ARMC8: variants seen among roughly 807,000 people sequenced by gnomAD.
The protein encoded by ARMC8 is armadillo repeat containing 8.
ARMC8 carries 20 observed loss-of-function variants against 99.3 expected under a neutral mutation model. The observed-to-expected ratio is 0.20, with a 90% CI of 0.14 to 0.29. The LOEUF is 0.29. ARMC8 is among the 10% of genes least tolerant of loss of function. ARMC8 has a pLI of 1.00. For missense variants in ARMC8, 569 were observed against 809.5 expected (o/e 0.70, Z 3.60); for synonymous variants, 263 against 278.3 (o/e 0.95, Z 0.55).
At chr3:138,205,389 C>A (rs2108008607) in intron 1 of ARMC8, among the ~76,000 whole-genome samples, 1 of 152,130 alleles carries the variant, frequency 6.6e-6, no homozygotes, top group South Asian at 2.1e-4. Context: ...GTAAGTGTTA[C>A]CCTTGCCTCC....
At position 138,276,988 on chromosome 3, in the gene ARMC8, A is replaced by G. The variant is rs2049356760; in HGVS notation, c.1725+2444A>G. Among the ~76,000 whole-genome samples, 2 of 152,244 alleles carry G rather than the reference A, an allele frequency of 1.3e-5. 1 individual carries two copies. The highest frequency in any genetic ancestry group is 1.3e-4 in the Admixed American group (2 of 15,282). On this transcript the variant is annotated intron_variant, in intron 18 of 21. Coordinates refer to ENST00000469044, the MANE Select transcript of ARMC8 (RefSeq NM_001363941.2). ...CAGTTTGGAAGAAAAAACAGGAACA[A>G]TTGGAGGATTCACAACACCTTGTTT...
intron 18 of ARMC8, among the ~76,000 whole-genome samples, chr3:138,284,174 C>T (rs2050187309): frequency 6.6e-6 from 1 of 152,248 alleles, no homozygotes; most frequent in Non-Finnish European, 1.5e-5. Flanking sequence ...AAATAGCTGC[C>T]TTTGACCAGC....
intron 18 of ARMC8, among the ~76,000 whole-genome samples, chr3:138,279,301 G>C (rs1430000556): frequency 6.6e-6 from 1 of 151,582 alleles, no homozygotes; most frequent in East Asian, 1.9e-4. Context: ...ACTTTCTTTT[G>C]CATCTGTTGA....
chr3:138,189,277 CT>C (rs966652430), intron 1 of ARMC8, among the ~76,000 whole-genome samples: 18 of 145,400 alleles, frequency 1.2e-4, no homozygotes, highest in African/African-American at 3.8e-4. Context: ...TCATTAGGGG[CT>C]TTTTTTTTTC....
intron 14 of ARMC8, among the ~76,000 whole-genome samples, chr3:138,265,560 A>T (rs558523208): frequency 6.6e-6 from 1 of 152,220 alleles, no homozygotes; most frequent in Non-Finnish European, 1.5e-5. Context: ...GGGGGCATCA[A>T]TGTGGCAGAA....
At chr3:138,263,596 C>A in intron 12 of ARMC8, 143 bp from the exon 13 acceptor site, 1 of 738,332 alleles carries the variant, frequency 1.4e-6, no homozygotes, top group Non-Finnish European at 2.4e-6. Flanking sequence ...CCGCCCCCAG[C>A]GCAAGATGAT....
At chr3:138,273,295 T>C (rs1003733644) in intron 17 of ARMC8, among the ~76,000 whole-genome samples, 179 bp downstream of exon 17, 2 of 152,236 alleles carry the variant, frequency 1.3e-5, no homozygotes, top group Non-Finnish European at 2.9e-5. Flanking sequence ...TTCTGGGAGC[T>C]GCTTCACCAT....
At chr3:138,295,194 C>G (rs1025777042) in intron 21 of ARMC8, among the ~76,000 whole-genome samples, 1 of 152,176 alleles carries the variant, frequency 6.6e-6, no homozygotes, top group Non-Finnish European at 1.5e-5. Context: ...CCACAGCACC[C>G]GGCCTACATT....
intron 12 of ARMC8, among the ~76,000 whole-genome samples, chr3:138,258,240 A>G (rs1490729916): frequency 6.6e-6 from 1 of 152,100 alleles, no homozygotes; most frequent in Non-Finnish European, 1.5e-5. Context: ...CAGTTTCCAC[A>G]TATTTTGGTT....
At chr3:138,247,345 T>G (rs1029982904) in intron 12 of ARMC8, among the ~76,000 whole-genome samples, 11 of 152,164 alleles carry the variant, frequency 7.2e-5, no homozygotes, top group Admixed American at 6.5e-4. Flanking sequence ...AGATGGAATT[T>G]CAGTTAACTG....
chr3:138,218,037 A>G (rs1304643476), intron 2 of ARMC8, among the ~76,000 whole-genome samples: 3 of 152,200 alleles, frequency 2.0e-5, no homozygotes, highest in African/African-American at 4.8e-5. Context: ...CCTTCAACAA[A>G]TATTTATTGA....
At chr3:138,228,554 T>A (rs1220003631) in intron 5 of ARMC8, among the ~76,000 whole-genome samples, 1 of 152,248 alleles carries the variant, frequency 6.6e-6, no homozygotes, top group Non-Finnish European at 1.5e-5. Context: ...TAATTCTTCC[T>A]TATAAACTAT....
At chr3:138,214,022 C>A (rs1031336056) in intron 2 of ARMC8, among the ~76,000 whole-genome samples, 1 of 151,836 alleles carries the variant, frequency 6.6e-6, no homozygotes, top group Non-Finnish European at 1.5e-5. Flanking sequence ...CGTGGTGGTA[C>A]GTGCCTGTAG....
chr3:138,210,111 A>T (rs2044609723), intron 2 of ARMC8, among the ~76,000 whole-genome samples: 1 of 152,180 alleles, frequency 6.6e-6, no homozygotes, highest in African/African-American at 2.4e-5. Context: ...CATTTTTTGT[A>T]GAATACTTGT....
chr3:138,188,312 G>A, intron 1 of ARMC8: 1 of 1,120,018 alleles, frequency 8.9e-7, no homozygotes, highest in Non-Finnish European at 1.2e-6. Flanking sequence ...GGGGGAAAAG[G>A]GGGTGAGATT....
At chr3:138,236,517 G>A (rs1312243071) in intron 7 of ARMC8, among the ~76,000 whole-genome samples, 1 of 152,180 alleles carries the variant, frequency 6.6e-6, no homozygotes, top group Non-Finnish European at 1.5e-5. Context: ...TCTTCTGCCA[G>A]GGTTTGCTGT....
rs900005790 is a variant in ARMC8 at position 138,296,107 on chromosome 3, G to GT, written c.*224dup. On this transcript the variant is annotated 3_prime_UTR_variant, in exon 22 of 22. Transcript: ENST00000469044. ...CAGAAGACTCTTGTGTTTTGTTTTG[G>GT]TTTTTTTTTCTGAGCTACTCGGACT... The GT allele has an allele frequency of 7.8e-3, 3,601 of 462,190 alleles. No individual in the cohort carries two copies. Among genetic ancestry groups the GT allele is most frequent in the South Asian group, 9.6e-3 (285 of 29,610 alleles). 28.6% of individuals were successfully genotyped at this position (462,190 alleles called of 1,614,324 possible).
At chr3:138,241,659 C>A in intron 10 of ARMC8, 124 bp from the exon 11 acceptor site, 1 of 829,500 alleles carries the variant, frequency 1.2e-6, no homozygotes, top group Non-Finnish European at 1.9e-6. Flanking sequence ...CTCTAGAAGT[C>A]AGTAAAGGAA....
intron 14 of ARMC8, among the ~76,000 whole-genome samples, chr3:138,264,420 T>C (rs1318137142): frequency 7.3e-6 from 1 of 136,060 alleles, no homozygotes; most frequent in East Asian, 2.1e-4. Flanking sequence ...TTCTTTTTTT[T>C]TTTTTTTTTT....
Sources: allele counts gnomAD v4.1 joint callset (sites outside exome capture counted in the v4.1 genomes callset), GRCh38; gene constraint gnomAD v4.1.1; transcripts MANE v1.5; gene names NCBI Gene and HGNC (gene_info 2026-07-23, HGNC 2026-07-21).